Variants in RTN4IP1 observed in about 807,000 individuals in gnomAD.
The protein encoded by RTN4IP1 is NAD(P)H oxidoreductase RTN4IP1, mitochondrial.
Under a neutral mutation model 46.6 loss-of-function variants are expected in RTN4IP1, and 32 were observed. The observed-to-expected ratio is 0.69, with a 90% CI of 0.52 to 0.92. The LOEUF (loss-of-function observed/expected upper bound fraction) is 0.92, where lower values mean the gene tolerates loss of function less well. RTN4IP1 is among the 40% of genes least tolerant of loss of function. The pLI, the probability that RTN4IP1 is intolerant of heterozygous loss-of-function variation, is 0.00. For missense variants in RTN4IP1, 424 were observed against 485.8 expected, an observed-to-expected ratio of 0.87 and a Z score of 1.20; for synonymous variants, 167 against 161.8, an observed-to-expected ratio of 1.03 and a Z score of -0.24.
chr6:106,622,535 T>C (rs1562155919), intron 2 of RTN4IP1, among the ~76,000 whole-genome samples: 1 of 152,224 alleles, frequency 6.6e-6, no homozygotes, highest in Non-Finnish European at 1.5e-5. Context: ...TCTTTGATCT[T>C]TCATGGATGC....
intron 5 of RTN4IP1, 27 bp downstream of exon 5, chr6:106,602,847 A>G (rs1443472758): frequency 1.3e-6 from 2 of 1,525,880 alleles, no homozygotes; most frequent in South Asian, 1.2e-5. Context: ...AAATCCTCCT[A>G]TTCACAAGAT....
Position 106,571,853 on chromosome 6 carries a change from G to A in RTN4IP1, c.*143C>T, listed in dbSNP as rs1049771614. ...TTTTATATCAATTACTGGCCAAAAT[G>A]GTGTGTTTATTTTTTAAAGCTTGTA... is the stretch of plus-strand genomic sequence containing the variant. On this transcript the variant is annotated 3_prime_UTR_variant, in exon 9 of 9. Coordinates refer to ENST00000369063, the MANE Select transcript of RTN4IP1 (RefSeq NM_032730.5). 5.3e-6 allele frequency: 3 copies of A among 570,244 alleles called. No homozygotes were observed. The highest frequency in any genetic ancestry group is 9.4e-6 in the Non-Finnish European group (3 of 319,732). The allele number at this position is 570,244 out of a possible 1,614,324, so 35.3% of individuals were successfully genotyped here.
intron 1 of RTN4IP1, among the ~76,000 whole-genome samples, chr6:106,624,799 A>C (rs945794230): frequency 6.6e-6 from 1 of 151,068 alleles, no homozygotes; most frequent in Non-Finnish European, 1.5e-5. Context: ...AGCCAGGCAT[A>C]GTGGTACATG....
chr6:106,577,995 T>C (rs1775271308), intron 8 of RTN4IP1, among the ~76,000 whole-genome samples: 1 of 152,214 alleles, frequency 6.6e-6, no homozygotes, highest in African/African-American at 2.4e-5. Flanking sequence ...TAGTAATTTG[T>C]TACTGCAATA....
At chr6:106,606,961 T>C (rs9386572) in intron 4 of RTN4IP1, among the ~76,000 whole-genome samples, 32,718 of 151,702 alleles carry the variant, frequency 0.22, 4,445 homozygotes, top group East Asian at 0.3. Context: ...TGCACAAAAA[T>C]AAAACAGCAG....
chr6:106,597,249 T>C (rs182359423), intron 5 of RTN4IP1, among the ~76,000 whole-genome samples: 142 of 152,324 alleles, frequency 9.3e-4, no homozygotes, highest in African/African-American at 3.2e-3. Context: ...TGGGTTCAAT[T>C]CCCTTGCTTT....
chr6:106,603,686 C>T (rs961312690), intron 4 of RTN4IP1, among the ~76,000 whole-genome samples: 2 of 152,166 alleles, frequency 1.3e-5, no homozygotes, highest in African/African-American at 2.4e-5. Context: ...GGAATCTAGA[C>T]CTATCATCTA....
At chr6:106,598,097 G>T (rs1775846495) in intron 5 of RTN4IP1, among the ~76,000 whole-genome samples, 1 of 152,092 alleles carries the variant, frequency 6.6e-6, no homozygotes. Context: ...GTCTATCATT[G>T]TTGGACATTT....
Position 106,619,183 on chromosome 6 carries a change from C to T in RTN4IP1, c.620+19G>A. ...GAAAGAAAAGAGGTTTAGATGCTGC[C>T]ACTGACTGATACACTTACCGTTTTC... On this transcript the variant is annotated intron_variant, in intron 4 of 8. Coordinates refer to ENST00000369063, the MANE Select transcript of RTN4IP1 (RefSeq NM_032730.5). The T allele has an allele frequency of 6.2e-7, 1 of 1,613,568 alleles. No individual in the cohort carries two copies. The highest frequency in any genetic ancestry group is 8.5e-7 in the Non-Finnish European group (1 of 1,179,728).
intron 4 of RTN4IP1, among the ~76,000 whole-genome samples, chr6:106,610,440 CTTG>C (rs1177773216): frequency 1.3e-5 from 2 of 152,116 alleles, no homozygotes; most frequent in Non-Finnish European, 2.9e-5. Context: ...ACTAATTATT[CTTG>C]TTGTATTCTT....
At chr6:106,621,893 G>C (rs1328949043) in intron 2 of RTN4IP1, among the ~76,000 whole-genome samples, 1 of 152,140 alleles carries the variant, frequency 6.6e-6, no homozygotes, top group Admixed American at 6.5e-5. Flanking sequence ...AAAGCAACCA[G>C]AACAGTGTTA....
At chr6:106,625,660 T>C (rs949718557) in intron 1 of RTN4IP1, among the ~76,000 whole-genome samples, 1 of 139,820 alleles carries the variant, frequency 7.2e-6, no homozygotes, top group African/African-American at 2.8e-5. Flanking sequence ...TTCTTTTTTT[T>C]CTTTTTTTTT....
chr6:106,616,044 G>T (rs1160746885), intron 4 of RTN4IP1, among the ~76,000 whole-genome samples: 1 of 151,986 alleles, frequency 6.6e-6, no homozygotes, highest in African/African-American at 2.4e-5. Flanking sequence ...TCAGGCTCCC[G>T]AGTAGCTTGA....
intron 6 of RTN4IP1, among the ~76,000 whole-genome samples, chr6:106,588,152 AAG>A (rs1282405094): frequency 6.6e-6 from 1 of 152,224 alleles, no homozygotes; most frequent in Non-Finnish European, 1.5e-5. Context: ...TAGTTCTGAA[AAG>A]AGAGTGGTTT....
chr6:106,617,838 A>C lies in RTN4IP1; in HGVS notation c.620+1364T>G, dbSNP rs141434671. Among the ~76,000 whole-genome samples, 153 of 152,372 alleles carry C rather than the reference A, an allele frequency of 1.0e-3. 1 individual carries two copies. The highest frequency in any genetic ancestry group is 3.5e-3 in the African/African-American group (145 of 41,590). ...TAGTCATGCAGGCATAGAAAACATA[A>C]TGTTTTTAAAGGAAAAAACAAAACA... is the stretch of plus-strand genomic sequence containing the variant. On this transcript the variant is annotated intron_variant, in intron 4 of 8. Coordinates refer to ENST00000369063, the MANE Select transcript of RTN4IP1 (RefSeq NM_032730.5).
intron 8 of RTN4IP1, among the ~76,000 whole-genome samples, chr6:106,573,057 C>T (rs1480591968): frequency 6.6e-6 from 1 of 152,146 alleles, no homozygotes; most frequent in Non-Finnish European, 1.5e-5. Context: ...ACGGTGCAGC[C>T]GGTTACAATT....
intron 4 of RTN4IP1, among the ~76,000 whole-genome samples, chr6:106,615,526 G>A (rs548558740): frequency 6.6e-6 from 1 of 152,140 alleles, no homozygotes; most frequent in Non-Finnish European, 1.5e-5. Flanking sequence ...CCAGGATGGA[G>A]TGCAGTGGCA....
At chr6:106,623,431 TG>T (rs2114682745) in intron 1 of RTN4IP1, among the ~76,000 whole-genome samples, 1 of 152,242 alleles carries the variant, frequency 6.6e-6, no homozygotes, top group Admixed American at 6.5e-5. Context: ...AAATAACTAG[TG>T]GGTATGAGAC....
In RTN4IP1 at chr6:106,592,258, G is replaced by A; in HGVS notation, c.712C>T (p.Gln238Ter). Residue 238 changes from glutamine to a stop codon, truncating the protein, a stop_gained, in exon 6 of 9, where the codon CAA becomes TAA. Coordinates refer to ENST00000369063, the MANE Select transcript of RTN4IP1 (RefSeq NM_032730.5). LOFTEE classifies it high-confidence loss of function. ...WDAHVTAVCS[Q>*]DASELVRKLG... ...TTCCTTACAAGTTCACTGGCATCTT[G>A]GGAGCAAACTGCTGTCACATGAGCA... 6.2e-6 allele frequency: 10 copies of A among 1,613,956 alleles called. No homozygotes were observed. Among genetic ancestry groups the A allele is most frequent in the Non-Finnish European group, 7.6e-6 (9 of 1,179,988 alleles).
Sources: allele counts gnomAD v4.1 joint callset (sites outside exome capture counted in the v4.1 genomes callset), GRCh38; gene constraint gnomAD v4.1.1; transcripts MANE v1.5; gene names NCBI Gene and HGNC (gene_info 2026-07-23, HGNC 2026-07-21).